Variants in LRRC4C observed in about 807,000 individuals in gnomAD.
LRRC4C encodes leucine-rich repeat-containing protein 4C.
LRRC4C carries 5 observed loss-of-function variants against 33.6 expected under a neutral mutation model. The ratio of observed to expected loss-of-function variants is 0.15; its 90% CI spans 0.08 to 0.31. The LOEUF is 0.31. LRRC4C is among the 10% of genes least tolerant of loss of function. The pLI, the probability that LRRC4C is intolerant of heterozygous loss-of-function variation, is 1.00. For missense variants in LRRC4C, 560 were observed against 796.7 expected, an observed-to-expected ratio of 0.70 and a Z score of 3.58; for synonymous variants, 329 against 302.0, an observed-to-expected ratio of 1.09 and a Z score of -0.93.
At chr11:41,020,630 C>T (rs547620585) in intron 1 of LRRC4C, among the ~76,000 whole-genome samples, 51 of 152,188 alleles carry the variant, frequency 3.4e-4, no homozygotes, top group African/African-American at 9.6e-4. Context: ...GGCATGGACC[C>T]GCCAACACCG....
At chr11:40,933,278 A>G (rs1459736848) in intron 2 of LRRC4C, among the ~76,000 whole-genome samples, 1 of 152,194 alleles carries the variant, frequency 6.6e-6, no homozygotes, top group Non-Finnish European at 1.5e-5. Flanking sequence ...GCAAAACTGT[A>G]ATTTGTGTGC....
At chr11:41,305,262 C>A (rs1242392473) in intron 1 of LRRC4C, among the ~76,000 whole-genome samples, 2 of 48,202 alleles carry the variant, frequency 4.1e-5, no homozygotes, top group Non-Finnish European at 5.4e-5. Flanking sequence ...CAGCCGCCCT[C>A]TCCGGGAGGG....
At chr11:40,191,660 G>A (rs1311970517) in intron 5 of LRRC4C, among the ~76,000 whole-genome samples, 8 of 152,114 alleles carry the variant, frequency 5.3e-5, no homozygotes, top group Non-Finnish European at 8.8e-5. Flanking sequence ...AATAATTCTT[G>A]GTCTAAAATT....
chr11:40,659,116 C>T (rs1943284473), intron 2 of LRRC4C, among the ~76,000 whole-genome samples: 1 of 152,208 alleles, frequency 6.6e-6, no homozygotes, highest in Non-Finnish European at 1.5e-5. Context: ...AGATCCTGCT[C>T]CTGTGTCTGG....
chr11:40,530,143 G>A (rs956615904), intron 3 of LRRC4C, among the ~76,000 whole-genome samples: 8 of 151,934 alleles, frequency 5.3e-5, no homozygotes, highest in Admixed American at 3.9e-4. Flanking sequence ...CAAATGCCCA[G>A]AATTCAAGTT....
intron 1 of LRRC4C, among the ~76,000 whole-genome samples, chr11:41,305,924 AATAAAAT>A (rs1565566812): frequency 1.9e-5 from 2 of 105,936 alleles, no homozygotes; most frequent in Non-Finnish European, 3.6e-5. Flanking sequence ...AAAAAAAAAT[AATAAAAT>A]AAAATAAATA....
intron 1 of LRRC4C, among the ~76,000 whole-genome samples, chr11:40,985,045 T>C (rs1852899982): frequency 6.6e-6 from 1 of 151,562 alleles, no homozygotes; most frequent in African/African-American, 2.4e-5. Flanking sequence ...CACTTATTAA[T>C]TAAACTCCAG....
At chr11:40,955,935 G>A (rs1958933683) in intron 1 of LRRC4C, among the ~76,000 whole-genome samples, 1 of 151,794 alleles carries the variant, frequency 6.6e-6, no homozygotes, top group Admixed American at 6.6e-5. Flanking sequence ...GGGACACTAT[G>A]TTGTTCTCAT....
chr11:40,567,415 G>A (rs1957808540), intron 3 of LRRC4C, among the ~76,000 whole-genome samples: 1 of 152,144 alleles, frequency 6.6e-6, no homozygotes, highest in Non-Finnish European at 1.5e-5. Context: ...TTTCACAAAT[G>A]TTATCTCTTT....
intron 3 of LRRC4C, among the ~76,000 whole-genome samples, chr11:40,537,272 C>T (rs1956514877): frequency 6.6e-6 from 1 of 152,190 alleles, no homozygotes; most frequent in Non-Finnish European, 1.5e-5. Flanking sequence ...GCTCTATTCT[C>T]AGTGCTGTGG....
rs141210145 is a variant in LRRC4C, at chr11:40,687,677, C to A, written c.-406-39399G>T. ...GAAATGCTAAACTTTGTCTTTCTTG[C>A]TATGATTGATGCATGCAAATTATTT... On this transcript the variant is annotated intron_variant, in intron 2 of 6. Coordinates refer to ENST00000528697, the MANE Select transcript of LRRC4C (RefSeq NM_001258419.2). Among the ~76,000 whole-genome samples the A allele has an allele frequency of 2.4e-3, 359 of 152,100 alleles. 1 individual carries two copies. Among genetic ancestry groups the A allele is most frequent in the Middle Eastern group, 0.014 (4 of 294 alleles).
chr11:40,466,716 A>G (rs186638936), intron 3 of LRRC4C, among the ~76,000 whole-genome samples: 1 of 152,070 alleles, frequency 6.6e-6, no homozygotes, highest in East Asian at 1.9e-4. Context: ...TTTTGTTTTT[A>G]TATTATAGAG....
intron 2 of LRRC4C, among the ~76,000 whole-genome samples, chr11:40,900,297 A>G (rs1316476015): frequency 6.6e-6 from 1 of 152,062 alleles, no homozygotes. Flanking sequence ...GTGCCCATCA[A>G]TTTCAATCAT....
At chr11:40,791,760 TA>T (rs969398424) in intron 2 of LRRC4C, among the ~76,000 whole-genome samples, 1 of 152,196 alleles carries the variant, frequency 6.6e-6, no homozygotes, top group African/African-American at 2.4e-5. Flanking sequence ...GTGTTCCTAT[TA>T]GATGTCCTTC....
intron 3 of LRRC4C, among the ~76,000 whole-genome samples, chr11:40,462,035 A>T (rs1228692812): frequency 6.6e-6 from 1 of 151,956 alleles, no homozygotes; most frequent in East Asian, 1.9e-4. Context: ...CATGTCTATA[A>T]TATCTCTAAA....
chr11:40,773,268 A>C (rs1320509033), intron 2 of LRRC4C, among the ~76,000 whole-genome samples: 3 of 152,120 alleles, frequency 2.0e-5, no homozygotes, highest in Non-Finnish European at 4.4e-5. Context: ...AGTTAGAGAA[A>C]ATTAATAAGG....
In LRRC4C at chr11:40,996,156, A is replaced by G. The variant is rs1018671311; in HGVS notation, c.-495-62433T>C. Among the ~76,000 whole-genome samples, 3 of 152,168 alleles carry G rather than the reference A, an allele frequency of 2.0e-5. No homozygotes were observed. The East Asian group carries it at 5.8e-4, about 29-fold the overall frequency. ...AAAATAAAATAATTTGTAGTTACCA[A>G]ATGAAATTTGTTTTCTTTATGTTAA... On this transcript the variant is annotated intron_variant, in intron 1 of 6. Coordinates refer to ENST00000528697, the MANE Select transcript of LRRC4C (RefSeq NM_001258419.2).
intron 2 of LRRC4C, among the ~76,000 whole-genome samples, chr11:40,889,064 C>T (rs1368541654): frequency 6.6e-6 from 1 of 151,908 alleles, no homozygotes; most frequent in African/African-American, 2.4e-5. Flanking sequence ...ACCATATAAC[C>T]CAGCTATTCC....
Position 40,770,312 on chromosome 11 carries a change from A to G in LRRC4C, c.-406-122034T>C, listed in dbSNP as rs143097653. ...AGTGAAGGCAGAGAAGCCCCTTATA[A>G]AACCATCAGATCTTGTGAGAACTCA... On this transcript the variant is annotated intron_variant, in intron 2 of 6. Coordinates refer to ENST00000528697, the MANE Select transcript of LRRC4C (RefSeq NM_001258419.2). Among the ~76,000 whole-genome samples, 5 of 152,242 alleles carry G rather than the reference A, an allele frequency of 3.3e-5. No individual in the cohort carries two copies. In the East Asian group the frequency reaches 9.7e-4, roughly 29 times the overall value.
Sources: gnomAD v4.1 joint callset for allele counts (sites outside exome capture counted in the v4.1 genomes callset) on GRCh38, gnomAD v4.1.1 for gene constraint, MANE v1.5 for transcripts, NCBI Gene and HGNC (gene_info 2026-07-23, HGNC 2026-07-21) for gene names.